The following ZNF557 variants were observed in gnomAD, a reference collection of about 807,000 sequenced individuals.
The protein encoded by ZNF557 is CTB-25J19.9.
A neutral mutation model predicts 21.2 loss-of-function variants in ZNF557; 19 were observed. That is an observed-to-expected ratio of 0.90 (90% confidence interval 0.63 to 1.32). The LOEUF (loss-of-function observed/expected upper bound fraction) is 1.32. ZNF557 is among the 40% of genes most tolerant of loss of function. ZNF557 has a pLI of 0.00. For missense variants in ZNF557, 487 were observed against 519.8 expected (o/e 0.94, Z 0.61); for synonymous variants, 207 against 194.8 (o/e 1.06, Z -0.52).
In ZNF557 at chr19:7,075,096, C is replaced by G. The variant is rs746659003; in HGVS notation, c.22C>G (p.Pro8Ala). Residue 8 changes from proline to alanine, a missense_variant, in exon 3 of 8, where the codon CCA (proline) becomes GCA (alanine). By Grantham distance (27) the Pro-to-Ala change is conservative. Transcript: ENST00000252840. MAAVVLP[P>A]TAALSSLFPA... ...CAGGATGGCGGCTGTCGTCCTGCCCCCAACTGCCGGTGAGTCATGGGGTCC... is the reference window on the plus strand; with the variant it reads ...CAGGATGGCGGCTGTCGTCCTGCCCGCAACTGCCGGTGAGTCATGGGGTCC... The G allele has an allele frequency of 3.9e-5, 63 of 1,613,986 alleles. No homozygotes were observed. In the East Asian group the frequency reaches 1.0e-3, roughly 27 times the overall value.
rs542727298 is a variant in ZNF557, at chr19:7,086,995, C to T, written c.*3251C>T. The T allele has an allele frequency of 6.6e-6, 1 of 152,138 alleles. No individual in the cohort carries two copies. Among genetic ancestry groups the T allele is most frequent in the South Asian group, 2.1e-4 (1 of 4,822 alleles). 9.4% of individuals were successfully genotyped at this position (152,138 alleles called of 1,614,324 possible). On this transcript the variant is annotated 3_prime_UTR_variant, in exon 8 of 8. Transcript: ENST00000252840. Reference sequence around the variant, plus strand: ...AGTGAGCCGAGATTGCACAACCACACTCCAGCTTGGGCGACAGAGTGAGAC... The same window carrying T: ...AGTGAGCCGAGATTGCACAACCACATTCCAGCTTGGGCGACAGAGTGAGAC...
At chr19:7,074,362 C>T (rs1464711944) in intron 2 of ZNF557, among the ~76,000 whole-genome samples, 1 of 104,016 alleles carries the variant, frequency 9.6e-6, no homozygotes, top group East Asian at 2.5e-4. Context: ...ACACACAGCC[C>T]TTCTTTTCTC....
intron 2 of ZNF557, among the ~76,000 whole-genome samples, chr19:7,074,326 G>T (rs1449760891): frequency 2.3e-4 from 7 of 30,668 alleles, no homozygotes; most frequent in Non-Finnish European, 5.1e-4. Context: ...ATCTTTGTGT[G>T]TATATACACA....
intron 6 of ZNF557, 76 bp downstream of exon 6, chr19:7,081,531 A>C: frequency 1.0e-6 from 1 of 979,724 alleles, no homozygotes; most frequent in Non-Finnish European, 1.6e-6. Context: ...GTATTATAAT[A>C]CATTAGGAAA....
In ZNF557 at chr19:7,081,993, A is replaced by G. The variant is rs1306177587; in HGVS notation, c.367A>G (p.Lys123Glu). Residue 123 changes from lysine to glutamate, a missense_variant, in exon 7 of 8, where the codon AAA becomes GAA. Lys to Glu is a moderately conservative substitution (Grantham distance 56). Transcript: ENST00000252840. ...AGATGTGGAGAATCCATTTAAAGCC[A>G]AAGGGTTAACTCCTAAGCTGCATGT... ...CPDVENPFKA[K>E]GLTPKLHVFR... 3 of 1,614,008 alleles carry G rather than the reference A, an allele frequency of 1.9e-6. No homozygotes were observed. Among genetic ancestry groups the G allele is most frequent in the Non-Finnish European group, 1.7e-6 (2 of 1,179,868 alleles).
chr19:7,083,349 G>A lies in ZNF557; in HGVS notation c.898G>A (p.Ala300Thr). Residue 300 changes from alanine to threonine, a missense_variant, in exon 8 of 8, where the codon GCT (alanine) becomes ACT (threonine). By Grantham distance (58) the Ala-to-Thr change is moderately conservative. Coordinates refer to ENST00000252840, the MANE Select transcript of ZNF557 (RefSeq NM_024341.3). ...TTATGTATGTAATCAGTGTGGAAAG[G>A]CTTTCGGCACGAGGTCATCTCTTTC... ...GHYVCNQCGK[A>T]FGTRSSLSSH... 1 of 1,614,190 alleles carries A rather than the reference G, an allele frequency of 6.2e-7. No individual in the cohort carries two copies.
chr19:7,082,421 C>CCAA (rs1398427493), intron 7 of ZNF557, among the ~76,000 whole-genome samples: 2 of 108,428 alleles, frequency 1.8e-5, no homozygotes, highest in Non-Finnish European at 3.6e-5. Context: ...GACTCTGTCT[C>CCAA]AAAAAAAAAA....
intron 6 of ZNF557, among the ~76,000 whole-genome samples, 181 bp from the exon 7 acceptor site, chr19:7,081,789 T>A (rs1977712089): frequency 6.6e-6 from 1 of 152,210 alleles, no homozygotes; most frequent in Non-Finnish European, 1.5e-5. Context: ...TCAATCTTCC[T>A]AGAGTCTTTC....
intron 5 of ZNF557, among the ~76,000 whole-genome samples, chr19:7,079,492 G>T (rs996586770): frequency 6.6e-6 from 1 of 151,884 alleles, no homozygotes; most frequent in African/African-American, 2.4e-5. Context: ...CGCCCACCTT[G>T]GCCTCCCAAA....
chr19:7,079,732 GTC>G (rs796798230), intron 5 of ZNF557, among the ~76,000 whole-genome samples: 27 of 152,224 alleles, frequency 1.8e-4, no homozygotes, highest in African/African-American at 6.0e-4. Context: ...GGCCACTGAA[GTC>G]TCTGTTCTGT....
chr19:7,076,282 C>T, intron 4 of ZNF557, 99 bp from the exon 5 acceptor site: 2 of 1,612,114 alleles, frequency 1.2e-6, no homozygotes, highest in African/African-American at 2.7e-5. Flanking sequence ...ATCTCGTGCT[C>T]AGGTTTCCCC....
Position 7,071,508 on chromosome 19 carries a change from A to G in ZNF557, c.-80+855A>G, listed in dbSNP as rs1314213607. ...GGCGGCATTGTTCTAGTCTCTTCCC[A>G]TCTGTCCATTGCAATGAAGCCAGAA... On this transcript the variant is annotated intron_variant, in intron 2 of 7. Transcript: ENST00000252840. 3.3e-5 allele frequency among the ~76,000 whole-genome samples: 5 copies of G among 152,292 alleles called. No homozygotes were observed. The East Asian group carries it at 9.6e-4, about 29-fold the overall frequency.
At chr19:7,072,260 C>G (rs1977477536) in intron 2 of ZNF557, among the ~76,000 whole-genome samples, 1 of 150,976 alleles carries the variant, frequency 6.6e-6, no homozygotes, top group Non-Finnish European at 1.5e-5. Flanking sequence ...ACTGTCTCTA[C>G]TAAAAATACA....
chr19:7,083,818 T>G lies in ZNF557; in HGVS notation c.*74T>G. The G allele has an allele frequency of 6.6e-7, 1 of 1,507,448 alleles. No homozygotes were observed. Among genetic ancestry groups the G allele is most frequent in the Non-Finnish European group, 8.9e-7 (1 of 1,122,406 alleles). 93.4% of individuals were successfully genotyped at this position (1,507,448 alleles called of 1,614,324 possible). On this transcript the variant is annotated 3_prime_UTR_variant, in exon 8 of 8. Transcript: ENST00000252840. ...AACATGAGCAAACTCTAACAAGATGTATGAATCACCTGCTACTGTGTAACA... is the reference window on the plus strand; with the variant it reads ...AACATGAGCAAACTCTAACAAGATGGATGAATCACCTGCTACTGTGTAACA...
At chr19:7,070,347 C>T (rs1016213846) in intron 1 of ZNF557, among the ~76,000 whole-genome samples, 1 of 152,158 alleles carries the variant, frequency 6.6e-6, no homozygotes, top group Admixed American at 6.5e-5. Context: ...AGCTTCTTGT[C>T]CCATTTTAGG....
In ZNF557 at chr19:7,083,070, C is replaced by T; in HGVS notation, c.619C>T (p.Pro207Ser). Residue 207 changes from proline to serine, a missense_variant, in exon 8 of 8, where the codon CCC becomes TCC. Coordinates refer to ENST00000252840, the MANE Select transcript of ZNF557 (RefSeq NM_024341.3). ...TAAGAGAATCCACAATGGGGAGAAACCCTATGAATGCAATGACTGTGGGAA... is the reference window on the plus strand; with the variant it reads ...TAAGAGAATCCACAATGGGGAGAAATCCTATGAATGCAATGACTGTGGGAA... ...VHKRIHNGEKPYECNDCGKTF... is the reference protein window; with the variant it reads ...VHKRIHNGEKSYECNDCGKTF... The T allele has an allele frequency of 6.2e-7, 1 of 1,614,088 alleles. No homozygotes were observed. Among genetic ancestry groups the T allele is most frequent in the South Asian group, 1.1e-5 (1 of 91,080 alleles).
Position 7,083,043 on chromosome 19 carries a change from C to G in ZNF557, c.592C>G (p.His198Asp). 1 of 1,614,052 alleles carries G rather than the reference C, an allele frequency of 6.2e-7. No homozygotes were observed. Among genetic ancestry groups the G allele is most frequent in the Admixed American group, 1.7e-5 (1 of 60,006 alleles). Residue 198 changes from histidine (H) to aspartate (D), a missense_variant, in exon 8 of 8, where the codon CAT (histidine) becomes GAT (aspartate). Physicochemically the swap from His to Asp is moderately conservative, Grantham distance 81. Coordinates refer to ENST00000252840, the MANE Select transcript of ZNF557 (RefSeq NM_024341.3). ...CAGCAGTAGATCTTACCTTGCTGTT[C>G]ATAAGAGAATCCACAATGGGGAGAA... ...SYSSRSYLAVHKRIHNGEKPY... is the reference protein window; with the variant it reads ...SYSSRSYLAVDKRIHNGEKPY...
Position 7,083,557 on chromosome 19 carries a change from T to C in ZNF557, c.1106T>C (p.Ile369Thr), listed in dbSNP as rs766760928. ...NSFSLTIHRR[I>T]HNGEKSYECS... ...TTTTCTCTTACAATTCACAGGAGAA[T>C]ACATAATGGAGAGAAATCCTATGAG... The change falls in exon 8 of 8, where the codon ATA becomes ACA. Residue 369 changes from isoleucine to threonine, a missense_variant. Transcript: ENST00000252840. 6.2e-7 allele frequency: 1 copy of C among 1,614,172 alleles called. No individual in the cohort carries two copies.
At chr19:7,077,587 T>C (rs1288689937) in intron 5 of ZNF557, among the ~76,000 whole-genome samples, 1 of 152,210 alleles carries the variant, frequency 6.6e-6, no homozygotes, top group Non-Finnish European at 1.5e-5. Flanking sequence ...TTGGCTATTG[T>C]GGGTAGTGCT....
Sources: allele counts gnomAD v4.1 joint callset (sites outside exome capture counted in the v4.1 genomes callset), GRCh38; gene constraint gnomAD v4.1.1; transcripts MANE v1.5; gene names NCBI Gene and HGNC (gene_info 2026-07-23, HGNC 2026-07-21).